The following COL23A1 variants were observed in gnomAD, a reference collection of about 807,000 sequenced individuals.
COL23A1 encodes the protein collagen type XXIII alpha 1 chain, also known as collagen alpha-1(XXIII) chain.
Under a neutral mutation model 99.3 loss-of-function variants are expected in COL23A1, and 97 were observed. That is an observed-to-expected ratio of 0.98 (90% CI 0.83 to 1.16). The LOEUF is 1.16. COL23A1 is among the 50% of genes most tolerant of loss of function. The probability of loss-of-function intolerance (pLI) is 0.00; values close to 1 mark genes in which losing one functional copy is unlikely to be tolerated. For missense variants in COL23A1, 762 were observed against 757.4 expected (o/e 1.01, Z -0.07); for synonymous variants, 320 against 308.2 (o/e 1.04, Z -0.40).
At chr5:178,563,294 T>C (rs1158710064) in intron 1 of COL23A1, among the ~76,000 whole-genome samples, 1 of 152,156 alleles carries the variant, frequency 6.6e-6, no homozygotes, top group Non-Finnish European at 1.5e-5. Flanking sequence ...GTGAGCAGCC[T>C]GGGCCAGCCC....
chr5:178,308,053 G>T lies in COL23A1; in HGVS notation c.362-1134C>A, dbSNP rs1038710427. 6.6e-6 allele frequency among the ~76,000 whole-genome samples: 1 copy of T among 152,018 alleles called. No individual in the cohort carries two copies. Among genetic ancestry groups the T allele is most frequent in the African/African-American group, 2.4e-5 (1 of 41,324 alleles). On this transcript the variant is annotated intron_variant, in intron 2 of 28. Transcript: ENST00000390654. This position sits in a 1 kb window ranked among gnomAD's most constrained non-coding sequence, Gnocchi z 5.1. ...TGTGTCTGTGTGTGTCTCTATGTAT[G>T]TGTGTTTGTGTGCATGTGTGTGTCT...
intron 2 of COL23A1, among the ~76,000 whole-genome samples, chr5:178,512,774 C>T (rs1363861974): frequency 6.6e-6 from 1 of 152,182 alleles, no homozygotes; most frequent in African/African-American, 2.4e-5. Context: ...AAGCAGGCTT[C>T]GTCAGGACAA....
chr5:178,558,857 C>T (rs916440429), intron 2 of COL23A1, among the ~76,000 whole-genome samples: 5 of 151,364 alleles, frequency 3.3e-5, no homozygotes, highest in East Asian at 1.9e-4. Flanking sequence ...GGTGCAATCT[C>T]GGCTCACTGC....
In COL23A1 at chr5:178,308,051, A is replaced by C. The variant is rs1758461378; in HGVS notation, c.362-1132T>G. On this transcript the variant is annotated intron_variant, in intron 2 of 28. Coordinates refer to ENST00000390654, the MANE Select transcript of COL23A1 (RefSeq NM_173465.4). The surrounding 1 kb of genome is among the most constrained non-coding windows in gnomAD (Gnocchi z 5.1). ...CATGTGTCTGTGTGTGTCTCTATGT[A>C]TGTGTGTTTGTGTGCATGTGTGTGT... Among the ~76,000 whole-genome samples, 1 of 151,448 alleles carries C rather than the reference A, an allele frequency of 6.6e-6. No homozygotes were observed. The highest frequency in any genetic ancestry group is 2.4e-5 in the African/African-American group (1 of 41,102).
At chr5:178,563,302 C>G (rs923568640) in intron 1 of COL23A1, among the ~76,000 whole-genome samples, 3 of 152,106 alleles carry the variant, frequency 2.0e-5, no homozygotes, top group Non-Finnish European at 4.4e-5. Flanking sequence ...CCTGGGCCAG[C>G]CCCCAGCTTC....
At chr5:178,272,758 A>G (rs1336773519) in intron 5 of COL23A1, among the ~76,000 whole-genome samples, 2 of 149,000 alleles carry the variant, frequency 1.3e-5, no homozygotes, top group African/African-American at 5.0e-5. Flanking sequence ...CTACCCCCCG[A>G]CCCAAGCCCT....
intron 2 of COL23A1, among the ~76,000 whole-genome samples, chr5:178,329,492 A>G (rs1020024233): frequency 5.9e-5 from 9 of 151,648 alleles, no homozygotes; most frequent in African/African-American, 2.2e-4. Context: ...CACCCCCACC[A>G]GGAATGGCCA....
At chr5:178,327,860 C>G (rs77182341) in intron 2 of COL23A1, among the ~76,000 whole-genome samples, 1 of 152,146 alleles carries the variant, frequency 6.6e-6, no homozygotes, top group Non-Finnish European at 1.5e-5. Context: ...CAGAGCTACC[C>G]GAACAGTCCT....
At position 178,560,809 on chromosome 5, in the gene COL23A1, G is replaced by A. The variant is rs968025356; in HGVS notation, c.295-61C>T. On this transcript the variant is annotated intron_variant, in intron 1 of 28. Transcript: ENST00000390654. Reference sequence around the variant, plus strand: ...GAGAATGAGTTTCAGAACAGAGAGGGGTAAAAGTGGAAACATCAGCAAAAA... The same window carrying A: ...GAGAATGAGTTTCAGAACAGAGAGGAGTAAAAGTGGAAACATCAGCAAAAA... 5 of 1,514,164 alleles carry A rather than the reference G, an allele frequency of 3.3e-6. No individual in the cohort carries two copies. The African/African-American group carries it at 6.9e-5, about 21-fold the overall frequency. The allele number at this position is 1,514,164 out of a possible 1,614,324, so 93.8% of individuals were successfully genotyped here.
At chr5:178,367,341 G>C (rs2910113) in intron 2 of COL23A1, among the ~76,000 whole-genome samples, 5 of 152,062 alleles carry the variant, frequency 3.3e-5, no homozygotes, top group Admixed American at 3.3e-4. Flanking sequence ...CTGTGTGCCC[G>C]TTTCTCCTCT....
chr5:178,398,123 G>C (rs1342603260), intron 2 of COL23A1, among the ~76,000 whole-genome samples: 1 of 152,118 alleles, frequency 6.6e-6, no homozygotes, highest in Non-Finnish European at 1.5e-5. Flanking sequence ...GGATAATAAG[G>C]GCATGTTGGC....
At chr5:178,579,611 GC>G (rs1446542382) in intron 1 of COL23A1, among the ~76,000 whole-genome samples, 2 of 152,036 alleles carry the variant, frequency 1.3e-5, no homozygotes, top group Non-Finnish European at 2.9e-5. Flanking sequence ...CCACTACCGC[GC>G]ACGGCTGATT....
chr5:178,481,427 G>C (rs1757332373), intron 2 of COL23A1, among the ~76,000 whole-genome samples: 2 of 152,022 alleles, frequency 1.3e-5, no homozygotes, highest in Admixed American at 1.3e-4. Context: ...TACTGAGAGA[G>C]TATAAAGACA....
intron 2 of COL23A1, among the ~76,000 whole-genome samples, chr5:178,435,838 T>A (rs897973089): frequency 6.6e-5 from 10 of 152,162 alleles, no homozygotes; most frequent in Non-Finnish European, 1.3e-4. Flanking sequence ...CTGAGTCAGA[T>A]GACGCGCAGA....
At chr5:178,559,460 C>T (rs1027967739) in intron 2 of COL23A1, among the ~76,000 whole-genome samples, 1 of 151,718 alleles carries the variant, frequency 6.6e-6, no homozygotes, top group African/African-American at 2.4e-5. Flanking sequence ...CCCTGCACGT[C>T]GAGAAGTCTG....
At chr5:178,386,041 A>C (rs1477833025) in intron 2 of COL23A1, among the ~76,000 whole-genome samples, 2 of 152,236 alleles carry the variant, frequency 1.3e-5, no homozygotes, top group African/African-American at 4.8e-5. Context: ...CAGCATTAAT[A>C]GGCAGCTGGA....
In COL23A1 at chr5:178,452,011, A is replaced by AT. The variant is rs1477710869; in HGVS notation, c.361+108670_361+108671insA. The stretch of plus-strand genomic sequence containing the variant: ...TTAAGTTTGTGGGCAAACTTATTCT[A>AT]AAGTTCATATGGAAAGCTAAAAATG... On this transcript the variant is annotated intron_variant, in intron 2 of 28. Transcript: ENST00000390654. 2.0e-5 allele frequency among the ~76,000 whole-genome samples: 3 copies of AT among 152,214 alleles called. No individual in the cohort carries two copies. In the East Asian group the frequency reaches 5.8e-4, roughly 29 times the overall value.
chr5:178,404,709 T>C (rs879442794), intron 2 of COL23A1, among the ~76,000 whole-genome samples: 13 of 152,226 alleles, frequency 8.5e-5, no homozygotes, highest in Admixed American at 8.5e-4. Context: ...AGACCCCTCA[T>C]GTCCTCCGTC....
At chr5:178,273,491 TA>T (rs1370220003) in intron 5 of COL23A1, among the ~76,000 whole-genome samples, 4 of 152,252 alleles carry the variant, frequency 2.6e-5, no homozygotes, top group African/African-American at 9.6e-5. Context: ...TGGGAGTTTT[TA>T]CAAGTGAATT....
Sources: allele counts gnomAD v4.1 joint callset (sites outside exome capture counted in the v4.1 genomes callset), GRCh38; gene constraint gnomAD v4.1.1; non-coding constraint Gnocchi (gnomAD v3.1); transcripts MANE v1.5; gene names NCBI Gene and HGNC (gene_info 2026-07-23, HGNC 2026-07-21).